The following TNRC18 variants were observed in gnomAD, a reference collection of about 807,000 sequenced individuals.
TNRC18 encodes trinucleotide repeat-containing gene 18 protein.
TNRC18 carries 69 observed loss-of-function variants against 226.7 expected under a neutral mutation model. That is an observed-to-expected ratio of 0.30 (90% CI 0.25 to 0.37). The LOEUF is 0.37. TNRC18 is among the 10% of genes least tolerant of loss of function. The probability of loss-of-function intolerance (pLI) is 1.00; values close to 1 mark genes in which losing one functional copy is unlikely to be tolerated. For missense variants in TNRC18, 4,754 were observed against 4,256.6 expected (o/e 1.12, Z -3.25); for synonymous variants, 2,449 against 1,927.6 (o/e 1.27, Z -7.09).
intron 2 of TNRC18, among the ~76,000 whole-genome samples, chr7:5,414,535 C>T (rs1240527476): frequency 1.3e-5 from 2 of 151,996 alleles, no homozygotes; most frequent in Admixed American, 1.3e-4. Context: ...GCCTCAGCCT[C>T]CAGAGTAGCT....
In TNRC18 at chr7:5,324,242, G is replaced by T. The variant is rs201447699; in HGVS notation, c.6414C>A (p.Gly2138=). ...GGGTCAGCGGCCGCTCCACAGCCCC[G>T]CCACGCGGCAGGTGCTCGTCCTCAG... ...SFSEDEHLPR[G]GAVERPLTPA... Residue 2138 remains glycine, a synonymous_variant, in exon 21 of 30, where the codon GGC becomes GGA. Transcript: ENST00000430969. This position sits in a 1 kb window ranked among gnomAD's most constrained non-coding sequence, Gnocchi z 4.8. 2 of 1,610,572 alleles carry T rather than the reference G, an allele frequency of 1.2e-6. No homozygotes were observed. The highest frequency in any genetic ancestry group is 8.5e-7 in the Non-Finnish European group (1 of 1,179,032).
At chr7:5,414,556 G>C (rs1782045500) in intron 2 of TNRC18, among the ~76,000 whole-genome samples, 1 of 151,968 alleles carries the variant, frequency 6.6e-6, no homozygotes, top group Non-Finnish European at 1.5e-5. Context: ...GGGACTGCAG[G>C]CACCCGCCAC....
intron 19 of TNRC18, among the ~76,000 whole-genome samples, chr7:5,326,824 T>A (rs1788963723): frequency 2.1e-5 from 3 of 141,882 alleles, no homozygotes; most frequent in Admixed American, 1.4e-4. Context: ...TAAAATAAAA[T>A]TAAGGAAAAA....
chr7:5,371,045 G>C lies in TNRC18; in HGVS notation c.3549C>G (p.Ala1183=). 6.2e-7 allele frequency: 1 copy of C among 1,610,422 alleles called. No individual in the cohort carries two copies. ...PPLESPLPLP[A]AEAMATPSPA... ...GGCTGGGGGTAGCCATGGCTTCCGCGGCGGGCAGTGGCAGCGGCGACTCCA... is the reference window on the plus strand; with the variant it reads ...GGCTGGGGGTAGCCATGGCTTCCGCCGCGGGCAGTGGCAGCGGCGACTCCA... Residue 1183 remains alanine (A), a synonymous_variant, in exon 11 of 30, where the codon GCC becomes GCG. Coordinates refer to ENST00000430969, the MANE Select transcript of TNRC18 (RefSeq NM_001080495.3).
chr7:5,307,205 ATGT>A lies in TNRC18; in HGVS notation c.*898_*900del, dbSNP rs1050186934. ...AAAAAATAATATTCTGCACGTCAGA[ATGT>A]TTTTTTTTATAATTTCATAGCTATT... On this transcript the variant is annotated 3_prime_UTR_variant, in exon 30 of 30. Coordinates refer to ENST00000430969, the MANE Select transcript of TNRC18 (RefSeq NM_001080495.3). The A allele has an allele frequency of 1.7e-4, 8 of 47,060 alleles. No homozygotes were observed. Among genetic ancestry groups the A allele is most frequent in the African/African-American group, 4.0e-4 (4 of 9,962 alleles). 2.9% of individuals were successfully genotyped at this position (47,060 alleles called of 1,614,324 possible).
chr7:5,422,079 A>T (rs1004863461), intron 1 of TNRC18, among the ~76,000 whole-genome samples: 2 of 152,014 alleles, frequency 1.3e-5, no homozygotes, highest in Non-Finnish European at 2.9e-5. Flanking sequence ...TATTATTTTT[A>T]AAGAGGCTCG....
chr7:5,332,671 C>T lies in TNRC18; in HGVS notation c.6098G>A (p.Ser2033Asn), dbSNP rs1789659644. ...TSRCAKGGPL[S>N]PRKDAGRAKD... ...TGCACGCCCGGCGTCCTTGCGCGGG[C>T]TCAGGGGGCCGCCCTTGGCGCAGCG... The change falls in exon 19 of 30, where the codon AGC becomes AAC. Residue 2033 changes from serine to asparagine, a missense_variant. By Grantham distance (46) the Ser-to-Asn change is conservative. Coordinates refer to ENST00000430969, the MANE Select transcript of TNRC18 (RefSeq NM_001080495.3). The T allele has an allele frequency of 6.5e-7, 1 of 1,530,892 alleles. No individual in the cohort carries two copies. The highest frequency in any genetic ancestry group is 8.8e-7 in the Non-Finnish European group (1 of 1,141,644). 94.8% of individuals were successfully genotyped at this position (1,530,892 alleles called of 1,614,324 possible).
intron 5 of TNRC18, among the ~76,000 whole-genome samples, 190 bp downstream of exon 5, chr7:5,387,482 A>C (rs936989369): frequency 6.6e-6 from 1 of 152,256 alleles, no homozygotes; most frequent in African/African-American, 2.4e-5. Flanking sequence ...GAACAAACGA[A>C]AATGCCCATC....
intron 24 of TNRC18, among the ~76,000 whole-genome samples, chr7:5,318,108 G>T (rs1391178617): frequency 6.6e-6 from 1 of 152,134 alleles, no homozygotes; most frequent in East Asian, 1.9e-4. Context: ...CTGACCTCAG[G>T]TGATCTGCCC....
chr7:5,397,823 A>G (rs1482781363), intron 2 of TNRC18, among the ~76,000 whole-genome samples: 1 of 152,006 alleles, frequency 6.6e-6, no homozygotes, highest in Non-Finnish European at 1.5e-5. Context: ...TCGGAAACAG[A>G]TCTGCCAGCC....
At position 5,309,766 on chromosome 7, in the gene TNRC18, A is replaced by G. The variant is rs1158531716; in HGVS notation, c.8389-398T>C. 2.0e-5 allele frequency among the ~76,000 whole-genome samples: 3 copies of G among 152,072 alleles called. No homozygotes were observed. The highest frequency in any genetic ancestry group is 2.0e-4 in the Admixed American group (3 of 15,254). The stretch of plus-strand genomic sequence containing the variant: ...ATACAGGCGCACACCACGCCCGGCT[A>G]ATTTTGATTATTTTTGTAGAGAACA... On this transcript the variant is annotated intron_variant, in intron 27 of 29. Transcript: ENST00000430969. The surrounding 1 kb of genome is among the most constrained non-coding windows in gnomAD (Gnocchi z 5.7).
At chr7:5,344,843 A>G (rs185490072) in intron 18 of TNRC18, among the ~76,000 whole-genome samples, 79 of 152,306 alleles carry the variant, frequency 5.2e-4, no homozygotes, top group African/African-American at 1.9e-3. Context: ...AGGGCCCACG[A>G]GAGGGTCCCA....
chr7:5,400,998 C>T (rs1333179128), intron 2 of TNRC18, among the ~76,000 whole-genome samples: 3 of 152,004 alleles, frequency 2.0e-5, no homozygotes, highest in Non-Finnish European at 4.4e-5. Context: ...GCTGAGATTT[C>T]GTGCAGCCTG....
intron 18 of TNRC18, among the ~76,000 whole-genome samples, chr7:5,339,155 G>C (rs1024524356): frequency 1.3e-5 from 2 of 151,028 alleles, no homozygotes; most frequent in Admixed American, 6.6e-5. Flanking sequence ...AATTGTTTTG[G>C]GGCTCCGTGA....
intron 2 of TNRC18, among the ~76,000 whole-genome samples, chr7:5,414,475 C>A (rs1013505706): frequency 2.0e-5 from 3 of 151,748 alleles, no homozygotes; most frequent in South Asian, 2.1e-4. Flanking sequence ...TGCAATGGCG[C>A]GATCTCGGCT....
At chr7:5,362,139 G>A (rs999092594) in intron 12 of TNRC18, 106 bp from the exon 13 acceptor site, 18 of 1,395,098 alleles carry the variant, frequency 1.3e-5, no homozygotes, top group Non-Finnish European at 1.6e-5. Flanking sequence ...TGCACTGGGA[G>A]CTGGGGCTCG....
chr7:5,389,256 G>T lies in TNRC18; in HGVS notation c.568C>A (p.His190Asn). Reference protein sequence around the residue: ...APSARTPGGGHSSGAPAKGSS... With the variant: ...APSARTPGGGNSSGAPAKGSS... ...CCTTTGGCCGGGGCGCCCGAGGAGT[G>T]GCCGCCGCCAGGGGTCCGGGCCGAG... The change falls in exon 5 of 30, where the codon CAC becomes AAC. Residue 190 changes from histidine (H) to asparagine (N), a missense_variant. Coordinates refer to ENST00000430969, the MANE Select transcript of TNRC18 (RefSeq NM_001080495.3). 7.6e-7 allele frequency: 1 copy of T among 1,315,848 alleles called. No homozygotes were observed. The highest frequency in any genetic ancestry group is 9.7e-7 in the Non-Finnish European group (1 of 1,034,126). 81.5% of individuals were successfully genotyped at this position (1,315,848 alleles called of 1,614,324 possible).
intron 2 of TNRC18, among the ~76,000 whole-genome samples, chr7:5,408,367 G>A (rs892182034): frequency 6.6e-6 from 1 of 151,714 alleles, no homozygotes; most frequent in African/African-American, 2.4e-5. Context: ...ACATCCCCCT[G>A]GCCAGGCGCA....
intron 11 of TNRC18, among the ~76,000 whole-genome samples, chr7:5,363,981 C>T (rs372060423): frequency 3.5e-4 from 53 of 152,118 alleles, no homozygotes; most frequent in African/African-American, 7.5e-4. Context: ...CAAATGCACA[C>T]GACATCCACG....
Sources: allele counts gnomAD v4.1 joint callset (sites outside exome capture counted in the v4.1 genomes callset), GRCh38; gene constraint gnomAD v4.1.1; non-coding constraint Gnocchi (gnomAD v3.1); transcripts MANE v1.5; gene names NCBI Gene and HGNC (gene_info 2026-07-23, HGNC 2026-07-21).